Variants in TIAM1 observed in about 807,000 individuals in gnomAD.
The protein encoded by TIAM1 is TIAM Rac1 associated GEF 1, also known as rho guanine nucleotide exchange factor TIAM1.
A neutral mutation model predicts 163.5 loss-of-function variants in TIAM1; 65 were observed. The observed-to-expected ratio is 0.40, with a 90% confidence interval of 0.33 to 0.49. The LOEUF (loss-of-function observed/expected upper bound fraction) is 0.49, where lower values mean the gene tolerates loss of function less well. Among genes scored for constraint, TIAM1 ranks in the 20% least tolerant of loss-of-function variants. The pLI, the probability that TIAM1 is intolerant of heterozygous loss-of-function variation, is 0.77. For missense variants in TIAM1, 1,789 were observed against 2,044.7 expected (o/e 0.87, Z 2.41); for synonymous variants, 833 against 810.1 (o/e 1.03, Z -0.48).
Position 31,293,162 on chromosome 21 carries a change from G to A in TIAM1, c.-188-16254C>T, listed in dbSNP as rs553113461. Among the ~76,000 whole-genome samples, 3 of 148,622 alleles carry A rather than the reference G, an allele frequency of 2.0e-5. No homozygotes were observed. The South Asian group carries it at 6.2e-4, about 31-fold the overall frequency. On this transcript the variant is annotated intron_variant, in intron 2 of 27. Coordinates refer to ENST00000541036, the MANE Select transcript of TIAM1 (RefSeq NM_001353694.2). ...AAGAATTGGCTCATGCATTTGCGGGGGCTGCCAAGTTTGAAATCTGCAAGG... is the reference window on the plus strand; with the variant it reads ...AAGAATTGGCTCATGCATTTGCGGGAGCTGCCAAGTTTGAAATCTGCAAGG...
chr21:31,348,900 T>C (rs968063810), upstream of TIAM1, among the ~76,000 whole-genome samples: 5 of 152,216 alleles, frequency 3.3e-5, no homozygotes, highest in Admixed American at 6.5e-5. Flanking sequence ...ACTCTTTACA[T>C]AGTTTTCTCT....
chr21:31,516,275 G>A (rs1307300028), intron 1 of TIAM1, among the ~76,000 whole-genome samples: 5 of 151,924 alleles, frequency 3.3e-5, no homozygotes, highest in Admixed American at 3.3e-4. Context: ...AGCCGGGAGT[G>A]GTGGCATGTG....
At chr21:31,419,004 T>A (rs977940424) in intron 2 of TIAM1, among the ~76,000 whole-genome samples, 2 of 152,014 alleles carry the variant, frequency 1.3e-5, no homozygotes, top group Non-Finnish European at 2.9e-5. Flanking sequence ...TCTCTGCACC[T>A]CCCATGGTCT....
At chr21:31,277,643 G>A (rs1301622841) in intron 2 of TIAM1, among the ~76,000 whole-genome samples, 1 of 152,140 alleles carries the variant, frequency 6.6e-6, no homozygotes. Context: ...AATCCACCCC[G>A]TTTAGCATAT....
intron 22 of TIAM1, among the ~76,000 whole-genome samples, chr21:31,140,548 T>C (rs2082802092): frequency 6.6e-6 from 1 of 152,316 alleles, no homozygotes; most frequent in East Asian, 1.9e-4. Flanking sequence ...ATCTCAAACA[T>C]CTACCACTCC....
chr21:31,203,172 G>T (rs2086288702), intron 11 of TIAM1, among the ~76,000 whole-genome samples, 160 bp from the exon 12 acceptor site: 1 of 152,130 alleles, frequency 6.6e-6, no homozygotes, highest in Non-Finnish European at 1.5e-5. Context: ...GCCCAGCCTG[G>T]AGTGCAATGG....
intron 2 of TIAM1, among the ~76,000 whole-genome samples, chr21:31,291,669 T>C (rs1271205856): frequency 1.3e-5 from 2 of 152,210 alleles, no homozygotes; most frequent in Non-Finnish European, 2.9e-5. Flanking sequence ...ACTGCAGGCA[T>C]GCGCTACAAC....
chr21:31,134,099 A>G (rs1372426992), intron 23 of TIAM1, among the ~76,000 whole-genome samples: 1 of 152,014 alleles, frequency 6.6e-6, no homozygotes, highest in Non-Finnish European at 1.5e-5. Flanking sequence ...AACAAAACGA[A>G]ACAGAAAAGA....
At chr21:31,439,513 CTCCTGACCTCAAGTAAT>C (rs2044344047) in intron 2 of TIAM1, among the ~76,000 whole-genome samples, 1 of 152,188 alleles carries the variant, frequency 6.6e-6, no homozygotes, top group African/African-American at 2.4e-5. Flanking sequence ...TGGTCTTGAA[CTCCTGACCTCAAGTAAT>C]TCACCCGCGT....
chr21:31,426,204 C>T (rs978716983), intron 2 of TIAM1, among the ~76,000 whole-genome samples: 3 of 152,124 alleles, frequency 2.0e-5, no homozygotes, highest in African/African-American at 7.2e-5. Flanking sequence ...CCCCAAAGTC[C>T]ATTGTATCAC....
At chr21:31,526,394 G>A (rs767237177) in intron 1 of TIAM1, among the ~76,000 whole-genome samples, 3 of 152,188 alleles carry the variant, frequency 2.0e-5, no homozygotes, top group Admixed American at 6.5e-5. Flanking sequence ...TCTGGTTTCC[G>A]TAACTATTTT....
At chr21:31,479,455 A>ATG (rs1569368176) in intron 1 of TIAM1, among the ~76,000 whole-genome samples, 27 of 68,030 alleles carry the variant, frequency 4.0e-4, no homozygotes, top group Admixed American at 3.1e-3. Flanking sequence ...ATGGATGGAT[A>ATG]GATGGATGGA....
At chr21:31,153,976 A>G (rs2083495366) in intron 17 of TIAM1, among the ~76,000 whole-genome samples, 1 of 151,976 alleles carries the variant, frequency 6.6e-6, no homozygotes. Context: ...AGGAGGGAGG[A>G]TTACTTGAGC....
At chr21:31,277,316 T>C (rs1374757852) in intron 2 of TIAM1, among the ~76,000 whole-genome samples, 1 of 152,204 alleles carries the variant, frequency 6.6e-6, no homozygotes, top group Non-Finnish European at 1.5e-5. Context: ...TACAATGCCA[T>C]GGCAATGTCA....
At chr21:31,311,063 GT>G (rs1328994908) in intron 2 of TIAM1, among the ~76,000 whole-genome samples, 2 of 152,152 alleles carry the variant, frequency 1.3e-5, no homozygotes, top group African/African-American at 2.4e-5. Flanking sequence ...CTCACGATAT[GT>G]AAATAATGAA....
intron 1 of TIAM1, among the ~76,000 whole-genome samples, chr21:31,544,089 A>C (rs999275657): frequency 6.6e-5 from 10 of 152,130 alleles, no homozygotes; most frequent in African/African-American, 2.2e-4. Flanking sequence ...AAGTGCCTGT[A>C]ATCCCAGCTA....
intron 2 of TIAM1, among the ~76,000 whole-genome samples, chr21:31,334,750 G>A (rs1399507549): frequency 6.6e-6 from 1 of 152,164 alleles, no homozygotes; most frequent in Non-Finnish European, 1.5e-5. Context: ...AAGGCTGTGT[G>A]CTTTGAGCAG....
intron 3 of TIAM1, among the ~76,000 whole-genome samples, chr21:31,274,871 G>A (rs892102806): frequency 1.3e-5 from 2 of 152,018 alleles, no homozygotes; most frequent in Non-Finnish European, 2.9e-5. Context: ...CACTTTGAGA[G>A]GCTGAGGCAG....
intron 11 of TIAM1, among the ~76,000 whole-genome samples, chr21:31,206,016 CCAT>C (rs2086435664): frequency 6.6e-6 from 1 of 152,020 alleles, no homozygotes; most frequent in African/African-American, 2.4e-5. Context: ...TTGCCACAAA[CCAT>C]CATATTTTTC....
Sources: gnomAD v4.1 joint callset for allele counts (sites outside exome capture counted in the v4.1 genomes callset) on GRCh38, gnomAD v4.1.1 for gene constraint, MANE v1.5 for transcripts, NCBI Gene and HGNC (gene_info 2026-07-23, HGNC 2026-07-21) for gene names.